Variants in BEND2 observed in about 807,000 individuals in gnomAD.
The protein encoded by BEND2 is BEN domain containing 2.
Under a neutral mutation model 43.8 loss-of-function variants are expected in BEND2, and 19 were observed. The ratio of observed to expected loss-of-function variants is 0.43; its 90% CI spans 0.30 to 0.64. BEND2 has a LOEUF of 0.64. Ranked by LOEUF, BEND2 falls within the 30% of genes least tolerant of loss-of-function variation. The pLI, the probability that BEND2 is intolerant of heterozygous loss-of-function variation, is 0.11. For synonymous variants in BEND2, 226 were observed against 210.1 expected, an observed-to-expected ratio of 1.08 and a Z score of -0.66; for missense variants, 544 against 574.0, an observed-to-expected ratio of 0.95 and a Z score of 0.53.
intron 11 of BEND2, among the ~76,000 whole-genome samples, chrX:18,174,750 C>A (rs1484639876): frequency 9.0e-6 from 1 of 110,726 alleles, no homozygotes; most frequent in South Asian, 3.9e-4. Context: ...GGAGCTCAGG[C>A]GTTAGTAACT....
chrX:18,201,427 A>ATAAAAAAC (rs1200469991), intron 6 of BEND2, among the ~76,000 whole-genome samples: 1 of 86,430 alleles, frequency 1.2e-5, no homozygotes, highest in Non-Finnish European at 2.3e-5. Context: ...ACAAAAAAAA[A>ATAAAAAAC]AAAACTGGTG....
chrX:18,170,980 C>T (rs781724746), intron 13 of BEND2, 21 bp downstream of exon 13: 1 of 1,208,591 alleles, frequency 8.3e-7, no homozygotes, highest in Non-Finnish European at 1.1e-6. Context: ...TTTATTCAGA[C>T]ATACTCTATG....
At position 18,173,693 on chromosome X, in the gene BEND2, A is replaced by C. The variant is rs374922364; in HGVS notation, c.1981+337T>G. ...GCCAAAAATCCTACTGCGCACCTGC[A>C]ATGTGCCAGGCACACAGAGAACAAG... On this transcript the variant is annotated intron_variant, in intron 12 of 13. Transcript: ENST00000380033. Among the ~76,000 whole-genome samples, 9 of 111,605 alleles carry C rather than the reference A, an allele frequency of 8.1e-5. No homozygotes were observed. The East Asian group carries it at 1.1e-3, about 14-fold the overall frequency.
rs374093633 is a variant in BEND2 at position 18,207,585 on chromosome X, G to GA, written c.493-3671dup. Among the ~76,000 whole-genome samples the GA allele has an allele frequency of 3.8e-3, 412 of 108,060 alleles. 2 individuals carry two copies. The highest frequency in any genetic ancestry group is 0.012 in the African/African-American group (360 of 29,828). The allele number at this position is 108,060 out of a possible 115,157, so 93.8% of individuals were successfully genotyped here. A position where few individuals can be genotyped will look rare whatever the true frequency, so the allele number is the denominator to read the frequency against. Reference sequence around the variant, plus strand: ...TTTGATCAGTTATGGGCTTTTTTGTGAAAAAAAAAGGGGCTATAGAAATTA... The same window carrying GA: ...TTTGATCAGTTATGGGCTTTTTTGTGAAAAAAAAAAGGGGCTATAGAAATTA... On this transcript the variant is annotated intron_variant, in intron 4 of 13. Transcript: ENST00000380033.
chrX:18,217,426 T>C lies in BEND2; in HGVS notation c.26-693A>G, dbSNP rs553984309. On this transcript the variant is annotated intron_variant, in intron 1 of 13. Transcript: ENST00000380033. ...AAACTACATCATAACTTGGATTTAT[T>C]CTATTTATTTCAAATAGACTAATGC... is the stretch of plus-strand genomic sequence containing the variant. Among the ~76,000 whole-genome samples the C allele has an allele frequency of 5.6e-4, 63 of 112,470 alleles. 1 individual carries two copies. In the South Asian group the frequency reaches 0.023, roughly 42 times the overall value.
At position 18,183,253 on chromosome X, in the gene BEND2, A is replaced by G. The variant is rs886342794; in HGVS notation, c.1289-2603T>C. On this transcript the variant is annotated intron_variant, in intron 8 of 13. Transcript: ENST00000380033. ...CAAAGGAAAAAACCTCAATAAATAT[A>G]AAAGAATTGAAATCATATAGAGTAT... Among the ~76,000 whole-genome samples, 4 of 111,044 alleles carry G rather than the reference A, an allele frequency of 3.6e-5. No homozygotes were observed. In the Admixed American group the frequency reaches 3.9e-4, roughly 11 times the overall value.
intron 6 of BEND2, among the ~76,000 whole-genome samples, chrX:18,198,763 C>T (rs1367493724): frequency 1.8e-5 from 2 of 109,850 alleles, no homozygotes; most frequent in Admixed American, 2.0e-4. Context: ...TTATGTTTAT[C>T]GTGGCACTAT....
chrX:18,196,659 C>A (rs145114924), intron 6 of BEND2, among the ~76,000 whole-genome samples: 4 of 99,525 alleles, frequency 4.0e-5, no homozygotes, highest in South Asian at 9.6e-4. Flanking sequence ...ATACACACAA[C>A]AACCTGTATA....
intron 11 of BEND2, among the ~76,000 whole-genome samples, chrX:18,174,921 C>T (rs1352360062): frequency 9.0e-6 from 1 of 110,697 alleles, no homozygotes; most frequent in Non-Finnish European, 1.9e-5. Context: ...GAATCAAGAC[C>T]CTGCATTTTT....
chrX:18,201,439 A>G (rs1237305552), intron 6 of BEND2, among the ~76,000 whole-genome samples: 6 of 98,270 alleles, frequency 6.1e-5, no homozygotes, highest in Non-Finnish European at 1.2e-4. Flanking sequence ...AAACTGGTGG[A>G]TCAAGGTTAA....
At chrX:18,188,341 G>A (rs1286469439) in intron 8 of BEND2, among the ~76,000 whole-genome samples, 1 of 110,799 alleles carries the variant, frequency 9.0e-6, no homozygotes, top group African/African-American at 3.3e-5. Context: ...TCATGTGTCT[G>A]TTGGTTGTGC....
chrX:18,190,212 A>C (rs925491006), intron 8 of BEND2, among the ~76,000 whole-genome samples: 2 of 111,816 alleles, frequency 1.8e-5, no homozygotes, highest in Non-Finnish European at 3.8e-5. Context: ...CCAGCAGTTA[A>C]TTGCACTCTT....
intron 7 of BEND2, among the ~76,000 whole-genome samples, chrX:18,194,978 C>T (rs1221549011): frequency 9.5e-6 from 1 of 105,107 alleles, no homozygotes; most frequent in African/African-American, 3.6e-5. Context: ...ACTAAACACA[C>T]ACACACACAC....
chrX:18,195,411 T>C lies in BEND2; in HGVS notation c.1065A>G (p.Gly355=). ...AEKIILTEMP[G]TTETNVENNS... Reference sequence around the variant, plus strand: ...TATTTTCCACGTTGGTTTCTGTTGTTCCTGGCATTTCAGTAAGTATAATTT... The same window carrying C: ...TATTTTCCACGTTGGTTTCTGTTGTCCCTGGCATTTCAGTAAGTATAATTT... Residue 355 remains glycine, a synonymous_variant, in exon 7 of 14, where the codon GGA becomes GGG. Transcript: ENST00000380033. The C allele has an allele frequency of 8.3e-7, 1 of 1,207,363 alleles. No homozygotes were observed. Among genetic ancestry groups the C allele is most frequent in the Non-Finnish European group, 1.1e-6 (1 of 893,114 alleles).
At chrX:18,200,502 C>CAAAAAAAA (rs397895069) in intron 6 of BEND2, among the ~76,000 whole-genome samples, 3 of 38,625 alleles carry the variant, frequency 7.8e-5, no homozygotes, top group Non-Finnish European at 1.4e-4. Context: ...GACTCTGTCT[C>CAAAAAAAA]AAAAAAAAAA....
chrX:18,165,399 G>C (rs1923796819), intron 13 of BEND2, among the ~76,000 whole-genome samples, 176 bp from the exon 14 acceptor site: 2 of 112,175 alleles, frequency 1.8e-5, no homozygotes, highest in South Asian at 7.4e-4. Context: ...AATCTAAAAA[G>C]AGAACTATAT....
intron 8 of BEND2, among the ~76,000 whole-genome samples, chrX:18,181,402 C>G (rs1282454558): frequency 9.0e-6 from 1 of 110,804 alleles, no homozygotes; most frequent in Non-Finnish European, 1.9e-5. Context: ...TAGCCAAAAC[C>G]TGAAAACAAT....
chrX:18,177,814 C>T, intron 9 of BEND2, 45 bp from the exon 10 acceptor site: 13 of 1,054,925 alleles, frequency 1.2e-5, no homozygotes, highest in Non-Finnish European at 1.6e-5. Flanking sequence ...TTTTGTCATG[C>T]AAGGGTACCC....
intron 4 of BEND2, among the ~76,000 whole-genome samples, chrX:18,207,488 G>A (rs150813565): frequency 0.013 from 1,455 of 110,635 alleles, 11 homozygotes; most frequent in Non-Finnish European, 0.02. Context: ...ATCCAAATCA[G>A]CCAATTTCCT....
Sources: allele counts gnomAD v4.1 joint callset (sites outside exome capture counted in the v4.1 genomes callset), GRCh38; gene constraint gnomAD v4.1.1; transcripts MANE v1.5; gene names NCBI Gene and HGNC (gene_info 2026-07-23, HGNC 2026-07-21).